Variants in CDK19 observed in about 807,000 individuals in gnomAD.
CDK19 encodes the protein cyclin dependent kinase 19, also known as cyclin-dependent kinase 19.
In CDK19, 20 loss-of-function variants were observed where a neutral mutation model predicts 68.3. The ratio of observed to expected loss-of-function variants is 0.29; its 90% CI spans 0.21 to 0.43. The LOEUF is 0.43. Among genes scored for constraint, CDK19 ranks in the 20% least tolerant of loss-of-function variants. The pLI, the probability that CDK19 is intolerant of heterozygous loss-of-function variation, is 1.00. For missense variants in CDK19, 339 were observed against 623.5 expected (o/e 0.54, Z 4.86); for synonymous variants, 221 against 222.8 (o/e 0.99, Z 0.07).
chr6:110,727,684 G>A (rs772461472), intron 2 of CDK19, among the ~76,000 whole-genome samples: 2 of 151,992 alleles, frequency 1.3e-5, no homozygotes, highest in African/African-American at 2.4e-5. Context: ...CTCAAGAAGA[G>A]CGACTGGGCC....
intron 1 of CDK19, among the ~76,000 whole-genome samples, chr6:110,780,691 AT>A (rs758813984): frequency 6.6e-6 from 1 of 152,120 alleles, no homozygotes; most frequent in Non-Finnish European, 1.5e-5. Context: ...TTGAGGATCA[AT>A]TATGTGCCAG....
intron 8 of CDK19, among the ~76,000 whole-genome samples, chr6:110,626,412 T>C (rs1462622507): frequency 2.6e-5 from 4 of 152,246 alleles, no homozygotes; most frequent in African/African-American, 9.6e-5. Flanking sequence ...TGAATGTTTA[T>C]GTCCCCTCCA....
intron 12 of CDK19, among the ~76,000 whole-genome samples, chr6:110,620,478 A>C (rs1047197981): frequency 3.3e-5 from 5 of 152,110 alleles, no homozygotes; most frequent in African/African-American, 9.7e-5. Context: ...TTTTTTTCAA[A>C]ATTTCCTATG....
chr6:110,727,957 C>T (rs1776445671), intron 2 of CDK19, among the ~76,000 whole-genome samples: 2 of 149,448 alleles, frequency 1.3e-5, no homozygotes, highest in Admixed American at 1.4e-4. Flanking sequence ...CACTGCACTG[C>T]AGCCTGGGCA....
rs1780552456 is a variant in CDK19, at chr6:110,646,094, G to C, written c.457-7388C>G. On this transcript the variant is annotated intron_variant, in intron 4 of 12. Coordinates refer to ENST00000368911, the MANE Select transcript of CDK19 (RefSeq NM_015076.5). The stretch of plus-strand genomic sequence containing the variant: ...GCGACCTGCTGCAGTTTGTGGCTAA[G>C]CAAGGCACCTCCTTCGAGGTGATTC... The C allele has an allele frequency of 6.8e-5, 59 of 871,390 alleles. 2 individuals carry two copies. The South Asian group carries it at 8.0e-4, about 12-fold the overall frequency. 54.0% of individuals were successfully genotyped at this position (871,390 alleles called of 1,614,324 possible).
At chr6:110,737,103 C>T (rs937394302) in intron 2 of CDK19, among the ~76,000 whole-genome samples, 4 of 152,220 alleles carry the variant, frequency 2.6e-5, no homozygotes. Flanking sequence ...GCAGCTACCA[C>T]AAGAGCCTAA....
intron 2 of CDK19, among the ~76,000 whole-genome samples, chr6:110,741,829 G>A (rs1777696001): frequency 6.6e-6 from 1 of 152,102 alleles, no homozygotes; most frequent in Non-Finnish European, 1.5e-5. Context: ...CAAAACTCAA[G>A]AAGAGCTGGG....
chr6:110,680,127 C>T (rs1771886829), intron 2 of CDK19, among the ~76,000 whole-genome samples: 1 of 152,194 alleles, frequency 6.6e-6, no homozygotes, highest in Non-Finnish European at 1.5e-5. Context: ...CGCTAAGCCT[C>T]CACAAGCTCC....
intron 1 of CDK19, among the ~76,000 whole-genome samples, chr6:110,809,385 C>G (rs1220067929): frequency 6.6e-6 from 1 of 151,786 alleles, no homozygotes; most frequent in Non-Finnish European, 1.5e-5. Context: ...AATTAGCCAG[C>G]ACGTGCATCT....
intron 2 of CDK19, among the ~76,000 whole-genome samples, chr6:110,717,205 TTATATGA>T (rs1292891465): frequency 1.4e-5 from 2 of 141,730 alleles, no homozygotes; most frequent in East Asian, 3.9e-4. Flanking sequence ...ACAGGAGTGC[TTATATGA>T]TATATATCTA....
rs570891034 is a variant in CDK19, at chr6:110,656,037, C to A, written c.456+11397G>T. 1.1e-3 allele frequency among the ~76,000 whole-genome samples: 167 copies of A among 152,314 alleles called. 1 individual carries two copies. In the South Asian group the frequency reaches 0.034, roughly 31 times the overall value. ...CCTGGAATGCTCTCCCCACCCACCT[C>A]TCTTCATCTTACCAATTTCTATGAA... On this transcript the variant is annotated intron_variant, in intron 4 of 12. Transcript: ENST00000368911.
intron 2 of CDK19, among the ~76,000 whole-genome samples, chr6:110,740,649 T>C (rs1451234008): frequency 2.0e-5 from 3 of 152,232 alleles, no homozygotes; most frequent in African/African-American, 7.2e-5. Context: ...TCAACAGTTA[T>C]TCTGCAATCA....
intron 2 of CDK19, among the ~76,000 whole-genome samples, chr6:110,729,020 G>A (rs1488667459): frequency 6.6e-6 from 1 of 151,902 alleles, no homozygotes. Context: ...TATACCTCCT[G>A]AATGATTAAT....
At chr6:110,715,031 G>A (rs1775264978) in intron 2 of CDK19, among the ~76,000 whole-genome samples, 1 of 152,082 alleles carries the variant, frequency 6.6e-6, no homozygotes, top group African/African-American at 2.4e-5. Context: ...ACCATGCCTG[G>A]CCGAAAAATG....
chr6:110,721,836 C>T (rs984348942), intron 2 of CDK19, among the ~76,000 whole-genome samples: 13 of 152,012 alleles, frequency 8.6e-5, no homozygotes, highest in East Asian at 1.9e-4. Flanking sequence ...TGGTGGTGCG[C>T]GCCTGTAATC....
At chr6:110,783,654 A>T (rs1439969105) in intron 1 of CDK19, among the ~76,000 whole-genome samples, 1 of 151,918 alleles carries the variant, frequency 6.6e-6, no homozygotes, top group East Asian at 1.9e-4. Context: ...AAAAAAGAAA[A>T]AAAAAAGCAC....
At chr6:110,714,320 G>C (rs1775199319) in intron 2 of CDK19, among the ~76,000 whole-genome samples, 1 of 152,174 alleles carries the variant, frequency 6.6e-6, no homozygotes, top group Non-Finnish European at 1.5e-5. Context: ...TCAGCTGATG[G>C]ATACGACAGT....
At chr6:110,775,410 G>C in intron 1 of CDK19, among the ~76,000 whole-genome samples, 1 of 152,170 alleles carries the variant, frequency 6.6e-6, no homozygotes, top group Middle Eastern at 3.4e-3. Flanking sequence ...AGAGGACAAC[G>C]TAAAAGAAAA....
intron 2 of CDK19, chr6:110,670,746 A>G (rs1770930689): frequency 3.1e-6 from 2 of 643,250 alleles, no homozygotes; most frequent in Non-Finnish European, 5.7e-6. Flanking sequence ...TCCTTTTTCT[A>G]TGTGCTTAGG....
Sources: gnomAD v4.1 joint callset for allele counts (sites outside exome capture counted in the v4.1 genomes callset) on GRCh38, gnomAD v4.1.1 for gene constraint, MANE v1.5 for transcripts, NCBI Gene and HGNC (gene_info 2026-07-23, HGNC 2026-07-21) for gene names.